The following FBXW8 variants were observed in gnomAD, a reference collection of about 807,000 sequenced individuals.
FBXW8 encodes F-box/WD repeat-containing protein 8.
Under a neutral mutation model 65.3 loss-of-function variants are expected in FBXW8, and 57 were observed. The observed-to-expected ratio is 0.87, with a 90% CI of 0.71 to 1.09. The LOEUF (loss-of-function observed/expected upper bound fraction) is 1.09. Among genes scored for constraint, FBXW8 ranks in the 50% least tolerant of loss-of-function variants. FBXW8 has a pLI of 0.00. For missense variants in FBXW8, 777 were observed against 814.8 expected (o/e 0.95, Z 0.57); for synonymous variants, 308 against 330.2 (o/e 0.93, Z 0.73).
At chr12:116,984,042 T>TG (rs1394799737) in intron 5 of FBXW8, among the ~76,000 whole-genome samples, 1 of 152,112 alleles carries the variant, frequency 6.6e-6, no homozygotes, top group Non-Finnish European at 1.5e-5. Context: ...TTTTGAAAAA[T>TG]TGAATCAATT....
chr12:117,012,641 G>C (rs1953851844), intron 8 of FBXW8, among the ~76,000 whole-genome samples: 1 of 152,176 alleles, frequency 6.6e-6, no homozygotes, highest in African/African-American at 2.4e-5. Context: ...AGAGATGCTG[G>C]CCCAGGCTTG....
intron 7 of FBXW8, among the ~76,000 whole-genome samples, chr12:116,993,723 TTGCTG>T (rs1407800389): frequency 2.6e-5 from 4 of 152,260 alleles, no homozygotes; most frequent in African/African-American, 4.8e-5. Context: ...ATTATTTCTT[TTGCTG>T]TGCAGAAACT....
At chr12:116,969,091 C>A (rs938404538) in intron 5 of FBXW8, among the ~76,000 whole-genome samples, 1 of 152,168 alleles carries the variant, frequency 6.6e-6, no homozygotes, top group Non-Finnish European at 1.5e-5. Context: ...GTCTGTCTGG[C>A]AGCTTAAATT....
intron 7 of FBXW8, among the ~76,000 whole-genome samples, chr12:116,995,720 A>G (rs1036422336): frequency 4.6e-5 from 7 of 152,172 alleles, no homozygotes; most frequent in African/African-American, 1.4e-4. Context: ...AGTGACATAC[A>G]GGACCTCACA....
intron 1 of FBXW8, among the ~76,000 whole-genome samples, chr12:116,918,773 G>T (rs1227223593): frequency 2.0e-5 from 3 of 152,176 alleles, no homozygotes; most frequent in African/African-American, 7.2e-5. Context: ...GTGGGAGTGG[G>T]ATGGTTTCCT....
chr12:116,968,982 C>T (rs1231678046), intron 5 of FBXW8, among the ~76,000 whole-genome samples: 1 of 152,164 alleles, frequency 6.6e-6, no homozygotes, highest in Non-Finnish European at 1.5e-5. Flanking sequence ...GAGCCCATTT[C>T]TACCTAACTG....
In FBXW8 at chr12:117,028,462, G is replaced by GT. The variant is rs1470892769; in HGVS notation, c.*290_*291insT. 1 of 457,486 alleles carries GT rather than the reference G, an allele frequency of 2.2e-6. No individual in the cohort carries two copies. The highest frequency in any genetic ancestry group is 4.0e-6 in the Non-Finnish European group (1 of 247,910). 28.3% of individuals were successfully genotyped at this position (457,486 alleles called of 1,614,324 possible). On this transcript the variant is annotated 3_prime_UTR_variant, in exon 11 of 11. Coordinates refer to ENST00000652555, the MANE Select transcript of FBXW8 (RefSeq NM_153348.3). The surrounding 1 kb of genome is among the most constrained non-coding windows in gnomAD (Gnocchi z 4.1). The stretch of plus-strand genomic sequence containing the variant: ...TCCCTCAGGACGCCTCAGGGATCTC[G>GT]CTGCGCGGTCCTATACGGTCCCTGC...
At chr12:117,021,787 C>G (rs1291013865) in intron 8 of FBXW8, among the ~76,000 whole-genome samples, 1 of 152,004 alleles carries the variant, frequency 6.6e-6, no homozygotes, top group Non-Finnish European at 1.5e-5. Flanking sequence ...CTAATTGTGT[C>G]TGGTTTTTAA....
chr12:116,984,089 G>C (rs868414094), intron 5 of FBXW8, among the ~76,000 whole-genome samples: 2 of 152,196 alleles, frequency 1.3e-5, no homozygotes, highest in African/African-American at 4.8e-5. Context: ...CTAATGCAGA[G>C]AGTAATCATT....
At chr12:116,988,602 G>A (rs1288592862) in intron 6 of FBXW8, 61 bp from the exon 7 acceptor site, 3 of 1,455,788 alleles carry the variant, frequency 2.1e-6, no homozygotes, top group Non-Finnish European at 1.9e-6. Context: ...AGGTGGAATT[G>A]CATATTTTTG....
At chr12:117,003,019 A>G (rs1055757081) in intron 7 of FBXW8, 1 of 152,224 alleles carries the variant, frequency 6.6e-6, no homozygotes, top group Non-Finnish European at 1.5e-5. Flanking sequence ...GAAGATGTAT[A>G]GGACTTTTTC....
intron 9 of FBXW8, among the ~76,000 whole-genome samples, chr12:117,025,665 G>A (rs1289483706): frequency 6.6e-6 from 1 of 152,216 alleles, no homozygotes; most frequent in Non-Finnish European, 1.5e-5. Context: ...CGCTGTGGCT[G>A]TGCCTGTTGA....
chr12:116,912,370 G>A (rs1880031373), intron 1 of FBXW8, among the ~76,000 whole-genome samples: 1 of 150,928 alleles, frequency 6.6e-6, no homozygotes, highest in African/African-American at 2.4e-5. Context: ...TAAATTTTTT[G>A]GTAGAGACAA....
At chr12:117,020,202 G>A (rs892724112) in intron 8 of FBXW8, among the ~76,000 whole-genome samples, 17 of 152,184 alleles carry the variant, frequency 1.1e-4, no homozygotes, top group Admixed American at 2.6e-4. Context: ...TGTCACCTAC[G>A]TCATTCCAGT....
Position 116,985,271 on chromosome 12 carries a change from A to G in FBXW8, c.901A>G (p.Arg301Gly), listed in dbSNP as rs1885591126. 1.9e-6 allele frequency: 3 copies of G among 1,614,090 alleles called. No homozygotes were observed. Among genetic ancestry groups the G allele is most frequent in the East Asian group, 2.2e-5 (1 of 44,894 alleles). The change falls in exon 6 of 11, where the codon AGA (arginine) becomes GGA (glycine). Residue 301 changes from arginine (R) to glycine (G), a missense_variant. Coordinates refer to ENST00000652555, the MANE Select transcript of FBXW8 (RefSeq NM_153348.3). The stretch of plus-strand genomic sequence containing the variant: ...TGTTCATCGTTTTGAGCACGATGCA[A>G]GAATACAGGCACTAGCCCTCAGCCA... Reference protein sequence around the residue: ...YPVHRFEHDARIQALALSQDD... With the variant: ...YPVHRFEHDAGIQALALSQDD...
intron 8 of FBXW8, among the ~76,000 whole-genome samples, chr12:117,016,202 A>G (rs1380545439): frequency 1.3e-5 from 2 of 152,214 alleles, no homozygotes; most frequent in Non-Finnish European, 2.9e-5. Flanking sequence ...TTGCTGGCTT[A>G]TGTGGTAATT....
rs567038129 is a variant in FBXW8, at chr12:116,997,569, G to A, written c.1239+8700G>A. 5.9e-5 allele frequency among the ~76,000 whole-genome samples: 9 copies of A among 152,224 alleles called. No individual in the cohort carries two copies. In the South Asian group the frequency reaches 1.0e-3, roughly 18 times the overall value. On this transcript the variant is annotated intron_variant, in intron 7 of 10. Coordinates refer to ENST00000652555, the MANE Select transcript of FBXW8 (RefSeq NM_153348.3). ...CTTGTTAGGTGCCTCCTTCACCCCC[G>A]GTCCCCCAGCTTTGGGGTCAGGTTG...
intron 5 of FBXW8, among the ~76,000 whole-genome samples, chr12:116,970,283 C>T (rs955615623): frequency 6.6e-6 from 1 of 152,154 alleles, no homozygotes; most frequent in East Asian, 1.9e-4. Context: ...AGGAGAGACG[C>T]GATCTGGTGC....
intron 1 of FBXW8, among the ~76,000 whole-genome samples, chr12:116,925,558 G>A (rs1881263070): frequency 6.6e-6 from 1 of 152,000 alleles, no homozygotes; most frequent in Non-Finnish European, 1.5e-5. Context: ...ATTTTCCAGT[G>A]GTTACCAACA....
Sources: allele counts gnomAD v4.1 joint callset (sites outside exome capture counted in the v4.1 genomes callset), GRCh38; gene constraint gnomAD v4.1.1; non-coding constraint Gnocchi (gnomAD v3.1); transcripts MANE v1.5; gene names NCBI Gene and HGNC (gene_info 2026-07-23, HGNC 2026-07-21).